Variants in RSRC1 observed in about 807,000 individuals in gnomAD.
RSRC1 encodes arginine and serine rich coiled-coil 1.
In RSRC1, 39 loss-of-function variants were observed where a neutral mutation model predicts 49.1. The observed-to-expected ratio is 0.79, with a 90% CI of 0.61 to 1.04. RSRC1 has a LOEUF of 1.04. Ranked by LOEUF, RSRC1 falls within the 50% of genes least tolerant of loss-of-function variation. The probability of loss-of-function intolerance (pLI) is 0.00; values close to 1 mark genes in which losing one functional copy is unlikely to be tolerated. For missense variants in RSRC1, 388 were observed against 402.4 expected (o/e 0.96, Z 0.31); for synonymous variants, 143 against 130.8 (o/e 1.09, Z -0.63).
At chr3:158,329,467 C>G (rs1207224102) in intron 5 of RSRC1, among the ~76,000 whole-genome samples, 1 of 152,244 alleles carries the variant, frequency 6.6e-6, no homozygotes, top group Non-Finnish European at 1.5e-5. Flanking sequence ...TCAGGACCCT[C>G]AGCTGCACGT....
At chr3:158,535,467 T>A (rs902519827) in intron 7 of RSRC1, among the ~76,000 whole-genome samples, 1 of 151,382 alleles carries the variant, frequency 6.6e-6, no homozygotes, top group Non-Finnish European at 1.5e-5. Context: ...TCTAAAAGTA[T>A]GTACTTCATA....
chr3:158,196,219 C>T (rs368930872), intron 3 of RSRC1, among the ~76,000 whole-genome samples: 11,518 of 151,534 alleles, frequency 0.076, 525 homozygotes, highest in South Asian at 0.13. Context: ...CCTTCACATC[C>T]CTTGTAAGTT....
intron 7 of RSRC1, among the ~76,000 whole-genome samples, chr3:158,461,612 CG>C (rs1737617134): frequency 6.6e-6 from 1 of 151,340 alleles, no homozygotes; most frequent in South Asian, 2.1e-4. Flanking sequence ...TTTTTCTTCA[CG>C]GGGGATTATA....
intron 6 of RSRC1, among the ~76,000 whole-genome samples, chr3:158,378,612 A>G (rs1453830549): frequency 1.3e-5 from 2 of 152,196 alleles, no homozygotes; most frequent in South Asian, 2.1e-4. Flanking sequence ...TCAAACTGCA[A>G]GTATGTCCTG....
At chr3:158,461,070 G>C in intron 7 of RSRC1, 67 bp downstream of exon 7, 1 of 1,139,432 alleles carries the variant, frequency 8.8e-7, no homozygotes, top group Non-Finnish European at 1.3e-6. Flanking sequence ...ATAGACCGTA[G>C]AATATAATCT....
At chr3:158,260,345 G>T (rs771267976) in intron 4 of RSRC1, among the ~76,000 whole-genome samples, 2 of 152,138 alleles carry the variant, frequency 1.3e-5, no homozygotes, top group Non-Finnish European at 2.9e-5. Flanking sequence ...GGTATGTCTA[G>T]AAATGTCATC....
At chr3:158,542,725 A>G (rs4680444) in intron 8 of RSRC1, among the ~76,000 whole-genome samples, 37,990 of 152,018 alleles carry the variant, frequency 0.25, 4,793 homozygotes, top group South Asian at 0.3. Context: ...GATGATGAAA[A>G]TGTTCTAAAG....
intron 3 of RSRC1, among the ~76,000 whole-genome samples, chr3:158,152,270 C>T (rs1176387981): frequency 6.6e-6 from 1 of 151,978 alleles, no homozygotes; most frequent in African/African-American, 2.4e-5. Flanking sequence ...AGTGTCTGTG[C>T]CGTATTGATT....
At chr3:158,270,806 T>G (rs1725475816) in intron 4 of RSRC1, among the ~76,000 whole-genome samples, 1 of 152,168 alleles carries the variant, frequency 6.6e-6, no homozygotes, top group Non-Finnish European at 1.5e-5. Context: ...AATCTAAAAT[T>G]TAAATATTAG....
chr3:158,164,846 A>G (rs1036459370), intron 3 of RSRC1, among the ~76,000 whole-genome samples: 10 of 152,196 alleles, frequency 6.6e-5, no homozygotes, highest in African/African-American at 2.2e-4. Context: ...TCACTTGGAT[A>G]TAGTACTTAA....
rs1192903560 is a variant in RSRC1, at chr3:158,429,900, A to G, written c.584-31035A>G. Among the ~76,000 whole-genome samples the G allele has an allele frequency of 2.6e-5, 4 of 151,830 alleles. No individual in the cohort carries two copies. In the East Asian group the frequency reaches 7.9e-4, roughly 30 times the overall value. On this transcript the variant is annotated intron_variant, in intron 6 of 9. Transcript: ENST00000611884. ...GGGGAGTGGGAAATAGGAAATTGGT[A>G]ATCAAAGGGCATATATTAATAGCTT...
At chr3:158,488,777 A>G (rs1738937869) in intron 7 of RSRC1, among the ~76,000 whole-genome samples, 1 of 152,196 alleles carries the variant, frequency 6.6e-6, no homozygotes, top group African/African-American at 2.4e-5. Flanking sequence ...CCTTTGTTTA[A>G]CACTTCTTAA....
chr3:158,251,381 G>A (rs974833645), intron 4 of RSRC1, among the ~76,000 whole-genome samples: 1 of 151,920 alleles, frequency 6.6e-6, no homozygotes, highest in Non-Finnish European at 1.5e-5. Context: ...AAGAGAGATT[G>A]CATTAAATCT....
intron 6 of RSRC1, among the ~76,000 whole-genome samples, chr3:158,395,626 G>A: frequency 6.6e-6 from 1 of 152,048 alleles, no homozygotes; most frequent in Non-Finnish European, 1.5e-5. Context: ...ACCACAATGA[G>A]ATACCATCTC....
At chr3:158,506,145 C>G (rs1451571027) in intron 7 of RSRC1, among the ~76,000 whole-genome samples, 1 of 152,096 alleles carries the variant, frequency 6.6e-6, no homozygotes, top group African/African-American at 2.4e-5. Context: ...AGGAAACAAT[C>G]AACCAAGTGA....
At chr3:158,535,402 T>A (rs1280316124) in intron 7 of RSRC1, among the ~76,000 whole-genome samples, 2 of 151,488 alleles carry the variant, frequency 1.3e-5, no homozygotes, top group Non-Finnish European at 3.0e-5. Context: ...TTCAAAATCC[T>A]AAAATCTTTA....
At chr3:158,379,814 GCACACACACACA>G (rs140953408) in intron 6 of RSRC1, among the ~76,000 whole-genome samples, 1 of 146,928 alleles carries the variant, frequency 6.8e-6, no homozygotes, top group Non-Finnish European at 1.5e-5. Flanking sequence ...ACACGCGCAT[GCACACACACACA>G]CACACACACA....
At chr3:158,404,322 A>G (rs2108312663) in intron 6 of RSRC1, among the ~76,000 whole-genome samples, 1 of 152,024 alleles carries the variant, frequency 6.6e-6, no homozygotes, top group East Asian at 1.9e-4. Context: ...CATTGCTGAC[A>G]TTGTTTTTCA....
At chr3:158,530,416 T>C (rs1435639) in intron 7 of RSRC1, among the ~76,000 whole-genome samples, 30,362 of 151,818 alleles carry the variant, frequency 0.2, 3,700 homozygotes, top group African/African-American at 0.35. Flanking sequence ...TGAAATAGTT[T>C]CCTTTCCTCC....
Sources: gnomAD v4.1 joint callset for allele counts (sites outside exome capture counted in the v4.1 genomes callset) on GRCh38, gnomAD v4.1.1 for gene constraint, MANE v1.5 for transcripts, NCBI Gene and HGNC (gene_info 2026-07-23, HGNC 2026-07-21) for gene names.